Variants in RRM2 observed in about 807,000 individuals in gnomAD.
RRM2 encodes the protein ribonucleoside-diphosphate reductase subunit M2.
A neutral mutation model predicts 45.9 loss-of-function variants in RRM2; 6 were observed. The ratio of observed to expected loss-of-function variants is 0.13; its 90% CI spans 0.07 to 0.26. RRM2 has a LOEUF of 0.26. RRM2 is among the 10% of genes least tolerant of loss of function. RRM2 has a pLI of 1.00. For missense variants in RRM2, 343 were observed against 489.5 expected (o/e 0.70, Z 2.82); for synonymous variants, 177 against 173.0 (o/e 1.02, Z -0.18).
rs533688086 is a variant in RRM2, at chr2:10,209,963, C to A, written n.483-348C>A. Among the ~76,000 whole-genome samples, 39 of 152,310 alleles carry A rather than the reference C, an allele frequency of 2.6e-4. No homozygotes were observed. The Middle Eastern group carries it at 0.01, about 40-fold the overall frequency. The stretch of plus-strand genomic sequence containing the variant: ...GCTGGGCAGGTGGGATAAATCTGCC[C>A]CAGCCTCTGTGCTGTCCCCATCCCT... On this transcript the variant is annotated intron_variant and non_coding_transcript_variant, in intron 3 of 3. Coordinates refer to the RRM2 transcript ENST00000381786.
rs1321049961 is a variant in RRM2, at chr2:10,195,426, G to A, written n.483-14885G>A. ...CCCTGGGGAGCACCGAGTCCCCGCC[G>A]TGATGGGTCCCTGAAGCACCGGAGC... On this transcript the variant is annotated intron_variant and non_coding_transcript_variant, in intron 3 of 3. Coordinates refer to the RRM2 transcript ENST00000381786. The surrounding 1 kb of genome is among the most constrained non-coding windows in gnomAD (Gnocchi z 4.9). Among the ~76,000 whole-genome samples, 2 of 152,152 alleles carry A rather than the reference G, an allele frequency of 1.3e-5. No individual in the cohort carries two copies. The highest frequency in any genetic ancestry group is 2.9e-5 in the Non-Finnish European group (2 of 68,010).
chr2:10,200,342 G>T (rs573421888), intron 3 of RRM2, among the ~76,000 whole-genome samples: 2 of 152,174 alleles, frequency 1.3e-5, no homozygotes, highest in Non-Finnish European at 2.9e-5. Flanking sequence ...GGGGTTCCTG[G>T]CCTGTGAGAA....
At chr2:10,197,882 C>A (rs946693004) in intron 3 of RRM2, among the ~76,000 whole-genome samples, 1 of 152,144 alleles carries the variant, frequency 6.6e-6, no homozygotes, top group African/African-American at 2.4e-5. Context: ...TTCAGCACTG[C>A]TGCTGGTGGA....
rs761501615 is a variant in RRM2 at position 10,126,901 on chromosome 2, C to T, written c.596C>T (p.Thr199Met). 11 of 1,614,046 alleles carry T rather than the reference C, an allele frequency of 6.8e-6. No individual in the cohort carries two copies. Among genetic ancestry groups the T allele is most frequent in the Non-Finnish European group, 9.3e-6 (11 of 1,179,974 alleles). Residue 199 changes from threonine to methionine, a missense_variant, in exon 6 of 10, where the codon ACG (threonine) becomes ATG (methionine). Thr to Met is a moderately conservative substitution (Grantham distance 81). This residue lies in a region of RRM2 where 212 missense variants were observed against 368.1 expected (regional missense o/e 0.58). Transcript: ENST00000304567. ...EREFLFNAIE[T>M]MPCVKKKADW... ...GAATTTCTCTTCAATGCCATTGAAA[C>T]GATGCCTTGTGTCAAGAAGAAGGCA...
chr2:10,135,328 A>G (rs538992871), downstream of RRM2, among the ~76,000 whole-genome samples: 11 of 152,132 alleles, frequency 7.2e-5, no homozygotes, highest in Non-Finnish European at 1.0e-4. Flanking sequence ...TCAAACAACA[A>G]ATGGAACTAG....
chr2:10,144,098 C>T (rs528338864), intron 3 of RRM2, among the ~76,000 whole-genome samples: 1 of 152,338 alleles, frequency 6.6e-6, no homozygotes, highest in African/African-American at 2.4e-5. Context: ...GGGGACTCTC[C>T]TGTAACCCAA....
chr2:10,139,892 G>C (rs964345997), upstream of RRM2, among the ~76,000 whole-genome samples: 5 of 152,222 alleles, frequency 3.3e-5, no homozygotes, highest in Non-Finnish European at 5.9e-5. Context: ...GAAATAGCCC[G>C]TGGGTGGGAT....
intron 3 of RRM2, among the ~76,000 whole-genome samples, chr2:10,160,991 T>G (rs895075515): frequency 6.6e-6 from 1 of 152,180 alleles, no homozygotes; most frequent in Non-Finnish European, 1.5e-5. Flanking sequence ...CTTCCGAGCC[T>G]CCCTCTTTGG....
At chr2:10,184,091 TA>T (rs60421650) in intron 3 of RRM2, among the ~76,000 whole-genome samples, 64 of 30,684 alleles carry the variant, frequency 2.1e-3, no homozygotes, top group African/African-American at 8.0e-3. Context: ...AGACTCCATC[TA>T]AAAAAAAAAA....
At chr2:10,168,036 GTT>G (rs746974999) in intron 3 of RRM2, among the ~76,000 whole-genome samples, 59 of 134,356 alleles carry the variant, frequency 4.4e-4, no homozygotes, top group Non-Finnish European at 4.4e-4. Context: ...AGGCTTTTCT[GTT>G]TTTTTTTTTT....
chr2:10,142,343 C>T (rs368027166), exon 3 of RRM2: 43 of 1,378,086 alleles, frequency 3.1e-5, no homozygotes, highest in Non-Finnish European at 4.2e-5. Context: ...TCGGGGTGCG[C>T]CAGTGGAAGC....
chr2:10,163,886 C>T (rs1009133717), intron 3 of RRM2, among the ~76,000 whole-genome samples: 4 of 152,256 alleles, frequency 2.6e-5, no homozygotes, highest in African/African-American at 9.6e-5. Context: ...GCCCCTTAGC[C>T]TCTCTGAATC....
rs1003661374 is a variant in RRM2 at position 10,177,292 on chromosome 2, A to G, written n.483-33019A>G. 9.9e-5 allele frequency among the ~76,000 whole-genome samples: 15 copies of G among 151,684 alleles called. No individual in the cohort carries two copies. In the East Asian group the frequency reaches 2.9e-3, roughly 29 times the overall value. On this transcript the variant is annotated intron_variant and non_coding_transcript_variant, in intron 3 of 3. Coordinates refer to the RRM2 transcript ENST00000381786. ...AGAATAAAATAGAATAAAAAAAAAT[A>G]TGGTACTGATCATCACATAAAGTTT...
downstream of RRM2, among the ~76,000 whole-genome samples, chr2:10,135,705 C>G (rs1374574803): frequency 6.6e-6 from 1 of 152,156 alleles, no homozygotes; most frequent in Non-Finnish European, 1.5e-5. Flanking sequence ...AAACTAAACA[C>G]TTAAGAGTGT....
chr2:10,181,018 C>A (rs1016131669), intron 3 of RRM2, among the ~76,000 whole-genome samples: 1 of 152,164 alleles, frequency 6.6e-6, no homozygotes, highest in Admixed American at 6.5e-5. Context: ...CTACCTGCCT[C>A]AGCCTCCCAA....
chr2:10,143,853 A>G (rs1663136533), intron 3 of RRM2, among the ~76,000 whole-genome samples: 1 of 152,202 alleles, frequency 6.6e-6, no homozygotes, highest in Non-Finnish European at 1.5e-5. Context: ...TTTGTAGTAG[A>G]GACGGGGTTT....
At chr2:10,197,496 C>A (rs1328237473) in intron 3 of RRM2, among the ~76,000 whole-genome samples, 2 of 152,132 alleles carry the variant, frequency 1.3e-5, no homozygotes, top group African/African-American at 4.8e-5. Flanking sequence ...TGGGGGAACT[C>A]CAGCAAGGCC....
chr2:10,144,174 C>T (rs1355227757), intron 3 of RRM2, among the ~76,000 whole-genome samples: 1 of 152,176 alleles, frequency 6.6e-6, no homozygotes, highest in African/African-American at 2.4e-5. Context: ...AGACTGAATC[C>T]TCAGGGGACC....
downstream of RRM2, among the ~76,000 whole-genome samples, chr2:10,135,349 G>A (rs1160429271): frequency 6.6e-6 from 1 of 152,156 alleles, no homozygotes; most frequent in African/African-American, 2.4e-5. Context: ...AATAATGGAC[G>A]CTGCAGAGGG....
Sources: allele counts gnomAD v4.1 joint callset (sites outside exome capture counted in the v4.1 genomes callset), GRCh38; gene constraint gnomAD v4.1.1; regional missense constraint gnomAD v4.1.1; non-coding constraint Gnocchi (gnomAD v3.1); transcripts MANE v1.5; gene names NCBI Gene and HGNC (gene_info 2026-07-23, HGNC 2026-07-21).